ADGRV1: variants seen among roughly 807,000 people sequenced by gnomAD.
ADGRV1 encodes adhesion G protein-coupled receptor V1.
In ADGRV1, 359 loss-of-function variants were observed where a neutral mutation model predicts 596.2. That is an observed-to-expected ratio of 0.60 (90% CI 0.55 to 0.66). ADGRV1 has a LOEUF of 0.66. Among genes scored for constraint, ADGRV1 ranks in the 30% least tolerant of loss-of-function variants. ADGRV1 has a pLI of 0.00. For synonymous variants in ADGRV1, 2,681 were observed against 2,679.2 expected, an observed-to-expected ratio of 1.00 and a Z score of -0.02; for missense variants, 7,274 against 7,575.6, an observed-to-expected ratio of 0.96 and a Z score of 1.48.
intron 21 of ADGRV1, among the ~76,000 whole-genome samples, chr5:90,666,914 T>C (rs1199619784): frequency 2.6e-5 from 4 of 151,730 alleles, no homozygotes; most frequent in Non-Finnish European, 5.9e-5. Context: ...AAAATTCTTT[T>C]CTTTAAGAAT....
chr5:90,670,006 T>G (rs972438479), intron 21 of ADGRV1, among the ~76,000 whole-genome samples: 1 of 152,234 alleles, frequency 6.6e-6, no homozygotes, highest in Non-Finnish European at 1.5e-5. Context: ...AATTATATAT[T>G]TATCCACCAA....
chr5:90,722,456 A>G (rs986885363), intron 45 of ADGRV1, among the ~76,000 whole-genome samples: 16 of 151,578 alleles, frequency 1.1e-4, no homozygotes, highest in African/African-American at 3.9e-4. Context: ...CATGCCTGTA[A>G]TCCCAGCAGT....
intron 21 of ADGRV1, among the ~76,000 whole-genome samples, chr5:90,669,005 T>C (rs980982321): frequency 1.3e-5 from 2 of 152,060 alleles, no homozygotes; most frequent in African/African-American, 4.8e-5. Flanking sequence ...TCTATTTAAC[T>C]AATGCCTCTT....
Position 90,853,168 on chromosome 5 carries a change from T to C in ADGRV1, c.17205-116T>C. On this transcript the variant is annotated intron_variant, in intron 79 of 89. Transcript: ENST00000405460. ...CTATTTACTGCTTCTGGGTTTGTTG[T>C]GTTATTGTTATACATGAAGAATAGA... 2.1e-6 allele frequency: 2 copies of C among 957,278 alleles called. 1 individual carries two copies. Among genetic ancestry groups the C allele is most frequent in the South Asian group, 4.1e-5 (2 of 49,040 alleles). 59.3% of individuals were successfully genotyped at this position (957,278 alleles called of 1,614,324 possible).
At chr5:90,733,306 G>A (rs1752788329) in intron 50 of ADGRV1, among the ~76,000 whole-genome samples, 1 of 152,128 alleles carries the variant, frequency 6.6e-6, no homozygotes, top group Non-Finnish European at 1.5e-5. Context: ...TGATGAACTT[G>A]TTTATAGGTG....
At chr5:91,086,192 C>T (rs1399930167) in intron 86 of ADGRV1, among the ~76,000 whole-genome samples, 1 of 152,194 alleles carries the variant, frequency 6.6e-6, no homozygotes, top group African/African-American at 2.4e-5. Context: ...ATTGCCTTTG[C>T]ATTTTTTATA....
intron 85 of ADGRV1, among the ~76,000 whole-genome samples, chr5:91,018,555 ACTTGTAGGT>A (rs1464892090): frequency 6.6e-6 from 1 of 151,992 alleles, no homozygotes; most frequent in Non-Finnish European, 1.5e-5. Context: ...AAAAGAAGAA[ACTTGTAGGT>A]CTTGCATACC....
intron 83 of ADGRV1, among the ~76,000 whole-genome samples, chr5:90,887,885 GT>G (rs1581424629): frequency 6.6e-6 from 1 of 151,964 alleles, no homozygotes; most frequent in East Asian, 1.9e-4. Context: ...TTGTACCACA[GT>G]TTTTTTAAGT....
intron 85 of ADGRV1, among the ~76,000 whole-genome samples, chr5:91,019,656 G>C (rs535444124): frequency 6.6e-6 from 1 of 151,920 alleles, no homozygotes; most frequent in Non-Finnish European, 1.5e-5. Flanking sequence ...CTTGGAAACT[G>C]TTTTGTAATT....
At chr5:90,750,200 T>A (rs1580994560) in intron 52 of ADGRV1, among the ~76,000 whole-genome samples, 1 of 152,200 alleles carries the variant, frequency 6.6e-6, no homozygotes, top group East Asian at 1.9e-4. Flanking sequence ...CGTTCTCTTC[T>A]ACAAACTTTT....
At chr5:90,946,487 G>T (rs562307221) in intron 83 of ADGRV1, among the ~76,000 whole-genome samples, 2 of 152,102 alleles carry the variant, frequency 1.3e-5, no homozygotes, top group Non-Finnish European at 2.9e-5. Flanking sequence ...CAGGATACAT[G>T]TGCAGGACAC....
At chr5:90,877,065 C>A (rs897558378) in intron 83 of ADGRV1, among the ~76,000 whole-genome samples, 1 of 152,108 alleles carries the variant, frequency 6.6e-6, no homozygotes, top group African/African-American at 2.4e-5. Flanking sequence ...GTTATTAATT[C>A]TATCCAGGTT....
intron 1 of ADGRV1, among the ~76,000 whole-genome samples, chr5:90,596,194 C>T (rs1283507995): frequency 2.7e-5 from 4 of 149,348 alleles, no homozygotes; most frequent in Non-Finnish European, 4.5e-5. Context: ...AGACGATGGG[C>T]GGCCGGGCAG....
At chr5:90,880,571 G>A (rs1161427193) in intron 83 of ADGRV1, among the ~76,000 whole-genome samples, 1 of 152,160 alleles carries the variant, frequency 6.6e-6, no homozygotes, top group Non-Finnish European at 1.5e-5. Context: ...AGCTTGAAAA[G>A]CAGATTCAGA....
At position 90,823,441 on chromosome 5, in the gene ADGRV1, A is replaced by T; in HGVS notation, c.16213A>T (p.Lys5405Ter). 1.2e-6 allele frequency: 2 copies of T among 1,613,810 alleles called. No homozygotes were observed. The highest frequency in any genetic ancestry group is 1.7e-6 in the Non-Finnish European group (2 of 1,179,852). Residue 5405 changes from lysine to a stop codon, truncating the protein, a stop_gained, in exon 76 of 90, where the codon AAG becomes TAG. Coordinates refer to ENST00000405460, the MANE Select transcript of ADGRV1 (RefSeq NM_032119.4). LOFTEE classifies it high-confidence loss of function. Reference protein sequence around the residue: ...RQPNRAFEDVKVFWRVTLNKT... With the variant: ...RQPNRAFEDV ...TGCTCACAGGGCCTTTGAAGATGTCAAGGTCTTTTGGCGAGTCACACTTAA... is the reference window on the plus strand; with the variant it reads ...TGCTCACAGGGCCTTTGAAGATGTCTAGGTCTTTTGGCGAGTCACACTTAA...
intron 85 of ADGRV1, among the ~76,000 whole-genome samples, chr5:91,044,072 T>C (rs1785591370): frequency 6.6e-6 from 1 of 152,044 alleles, no homozygotes; most frequent in Non-Finnish European, 1.5e-5. Flanking sequence ...AATGAAGAAA[T>C]TATTATAGAA....
At chr5:90,779,582 G>C (rs1758627257) in intron 64 of ADGRV1, 1 of 152,318 alleles carries the variant, frequency 6.6e-6, no homozygotes, top group Non-Finnish European at 1.5e-5. Flanking sequence ...GGAAAAATTT[G>C]AGTGAAAGCT....
intron 1 of ADGRV1, among the ~76,000 whole-genome samples, chr5:90,574,456 A>G (rs1257323970): frequency 6.6e-6 from 1 of 152,052 alleles, no homozygotes; most frequent in East Asian, 1.9e-4. Context: ...TTCAGCCTGA[A>G]CTTTGTGTAT....
intron 79 of ADGRV1, 42 bp from the exon 80 acceptor site, chr5:90,853,242 A>G: frequency 6.4e-7 from 1 of 1,550,818 alleles, no homozygotes; most frequent in Non-Finnish European, 8.7e-7. Context: ...TATGTATTCA[A>G]ATACATGCCA....
Sources: gnomAD v4.1 joint callset for allele counts (sites outside exome capture counted in the v4.1 genomes callset) on GRCh38, gnomAD v4.1.1 for gene constraint, MANE v1.5 for transcripts, NCBI Gene and HGNC (gene_info 2026-07-23, HGNC 2026-07-21) for gene names.